Variants in SLC30A10 observed in about 807,000 individuals in gnomAD.
SLC30A10 encodes the protein calcium/manganese antiporter SLC30A10.
A neutral mutation model predicts 21.7 loss-of-function variants in SLC30A10; 8 were observed. The observed-to-expected ratio is 0.37, with a 90% CI of 0.22 to 0.67. SLC30A10 has a LOEUF of 0.67. SLC30A10 is among the 30% of genes least tolerant of loss of function. SLC30A10 has a pLI of 0.58. For missense variants in SLC30A10, 521 were observed against 642.5 expected, an observed-to-expected ratio of 0.81 and a Z score of 2.04; for synonymous variants, 272 against 279.4, an observed-to-expected ratio of 0.97 and a Z score of 0.26.
At chr1:219,927,669 C>CAAA (rs1659869536) in intron 1 of SLC30A10, 132 bp downstream of exon 1, 5 of 323,306 alleles carry the variant, frequency 1.5e-5, no homozygotes, top group Non-Finnish European at 2.2e-5. Context: ...AAAAAAAAAA[C>CAAA]AACAACAACA....
chr1:219,928,261 G>A lies in SLC30A10; in HGVS notation c.180C>T (p.Ile60=), dbSNP rs1323205319. Residue 60 remains isoleucine (I), a synonymous_variant, in exon 1 of 4, where the codon ATC becomes ATT. Coordinates refer to ENST00000366926, the MANE Select transcript of SLC30A10 (RefSeq NM_018713.3). The surrounding 1 kb of genome is among the most constrained non-coding windows in gnomAD (Gnocchi z 6.3). The part of the protein sequence containing the change: ...SLCVGLSAGY[I]ARRPTRGFSA... ...TGAAGCCCCGGGTGGGGCGCCGGGCGATGTAGCCGGCGCTCAGGCCCACGC... is the reference window on the plus strand; with the variant it reads ...TGAAGCCCCGGGTGGGGCGCCGGGCAATGTAGCCGGCGCTCAGGCCCACGC... The A allele has an allele frequency of 6.3e-7, 1 of 1,589,506 alleles. No homozygotes were observed.
intron 1 of SLC30A10, among the ~76,000 whole-genome samples, chr1:219,955,365 T>A (rs1350219287): frequency 6.6e-6 from 1 of 152,288 alleles, no homozygotes; most frequent in Admixed American, 6.5e-5. Context: ...CCTCACACCT[T>A]TTAGAGTCAG....
chr1:219,947,341 C>T (rs1485682682), intron 1 of SLC30A10, among the ~76,000 whole-genome samples: 1 of 152,030 alleles, frequency 6.6e-6, no homozygotes, highest in Non-Finnish European at 1.5e-5. Context: ...TCAGCTTGGG[C>T]AACATGGTAA....
intron 1 of SLC30A10, among the ~76,000 whole-genome samples, chr1:219,927,454 AGTCCTGCCT>A (rs936862392): frequency 1.3e-5 from 2 of 151,932 alleles, no homozygotes; most frequent in African/African-American, 2.4e-5. Context: ...GGGGTTGGAG[AGTCCTGCCT>A]GTTGCCCAAT....
chr1:219,923,178 G>A (rs923241317), intron 2 of SLC30A10, among the ~76,000 whole-genome samples: 4 of 152,180 alleles, frequency 2.6e-5, no homozygotes, highest in African/African-American at 9.7e-5. Flanking sequence ...AGACTCCGAT[G>A]TGATCACATC....
chr1:219,948,920 A>G (rs1452516054), intron 1 of SLC30A10, among the ~76,000 whole-genome samples: 1 of 152,122 alleles, frequency 6.6e-6, no homozygotes, highest in East Asian at 1.9e-4. Context: ...TTACAAGAAA[A>G]AAACAACCCC....
At chr1:219,957,417 G>A (rs758562919) in intron 1 of SLC30A10, among the ~76,000 whole-genome samples, 2 of 152,070 alleles carry the variant, frequency 1.3e-5, no homozygotes, top group Non-Finnish European at 2.9e-5. Flanking sequence ...TAATGGCCCA[G>A]CTACTGAGAG....
intron 1 of SLC30A10, among the ~76,000 whole-genome samples, chr1:219,944,403 G>A (rs1047225239): frequency 2.1e-4 from 32 of 149,884 alleles, no homozygotes; most frequent in African/African-American, 5.1e-4. Context: ...AGCCGAGATC[G>A]CGCCACTGCA....
intron 1 of SLC30A10, 152 bp downstream of exon 1, chr1:219,927,649 A>T: frequency 1.9e-6 from 1 of 522,840 alleles, no homozygotes; most frequent in African/African-American, 9.6e-5. Flanking sequence ...AAAAAAAAAA[A>T]AAAAAAAAAA....
upstream of SLC30A10, among the ~76,000 whole-genome samples, chr1:219,931,936 C>A (rs2102538362): frequency 6.6e-6 from 1 of 152,238 alleles, no homozygotes; most frequent in South Asian, 2.1e-4. Context: ...TAGGATAGAA[C>A]CTGAGATTTT....
At chr1:219,926,544 G>C (rs559961125) in intron 2 of SLC30A10, among the ~76,000 whole-genome samples, 1 of 152,244 alleles carries the variant, frequency 6.6e-6, no homozygotes, top group South Asian at 2.1e-4. Context: ...CACTCCCTTT[G>C]GTCCTGGGAG....
At chr1:219,926,349 C>A (rs1480037783) in intron 2 of SLC30A10, among the ~76,000 whole-genome samples, 2 of 152,212 alleles carry the variant, frequency 1.3e-5, no homozygotes, top group African/African-American at 4.8e-5. Context: ...TGGGGATTAA[C>A]CCCTTCTGGG....
At chr1:219,943,146 A>G (rs1045509728) in intron 1 of SLC30A10, among the ~76,000 whole-genome samples, 2 of 152,244 alleles carry the variant, frequency 1.3e-5, no homozygotes, top group African/African-American at 2.4e-5. Flanking sequence ...ACATGCAAAA[A>G]TTGCAGATGT....
At position 219,927,687 on chromosome 1, in the gene SLC30A10, A is replaced by AAC. The variant is rs369328290; in HGVS notation, c.640+113_640+114insGT. The AAC allele has an allele frequency of 0.022, 13,274 of 616,004 alleles. 625 individuals carry two copies. The highest frequency in any genetic ancestry group is 0.075 in the African/African-American group (2,763 of 36,992). The allele number at this position is 616,004 out of a possible 1,614,324, so 38.2% of individuals were successfully genotyped here. On this transcript the variant is annotated intron_variant, in intron 1 of 3. Coordinates refer to ENST00000366926, the MANE Select transcript of SLC30A10 (RefSeq NM_018713.3). ...AAAAAAACAACAACAACAAAAAAAA[A>AAC]AAAACAGAAAAAAAGCATGCAGAAG... is the stretch of plus-strand genomic sequence containing the variant.
At chr1:219,933,980 C>T (rs192629784) in intron 1 of SLC30A10, among the ~76,000 whole-genome samples, 2 of 152,128 alleles carry the variant, frequency 1.3e-5, no homozygotes, top group East Asian at 3.9e-4. Flanking sequence ...TGGTGAAATG[C>T]CATCTCTACT....
chr1:219,924,594 C>T (rs981973596), intron 2 of SLC30A10, among the ~76,000 whole-genome samples: 1 of 152,172 alleles, frequency 6.6e-6, no homozygotes, highest in African/African-American at 2.4e-5. Flanking sequence ...AGTACAGGTA[C>T]TCATCAAAAG....
At chr1:219,931,472 CA>C (rs1247052596), upstream of SLC30A10, among the ~76,000 whole-genome samples, 1 of 152,038 alleles carries the variant, frequency 6.6e-6, no homozygotes, top group East Asian at 1.9e-4. Flanking sequence ...GATAAAAATA[CA>C]GGCTGCATTT....
rs1558247401 is a variant in SLC30A10, at chr1:219,911,164, T to TTTTTTTTTTTTTTA, written c.*4284_*4285insTAAAAAAAAAAAAA. 6.9e-6 allele frequency among the ~76,000 whole-genome samples: 1 copy of TTTTTTTTTTTTTTA among 145,126 alleles called. No homozygotes were observed. Among genetic ancestry groups the TTTTTTTTTTTTTTA allele is most frequent in the African/African-American group, 2.5e-5 (1 of 40,088 alleles). Reference sequence around the variant, plus strand: ...TTCTACATCAGTTTTTTTTTTTTTTTTTTTTTTTTTGCAGTCTTTTACTAC... The same window carrying TTTTTTTTTTTTTTA: ...TTCTACATCAGTTTTTTTTTTTTTTTTTTTTTTTTTTTTATTTTTTTTTTGCAGTCTTTTACTAC... On this transcript the variant is annotated 3_prime_UTR_variant, in exon 4 of 4. Transcript: ENST00000366926.
intron 1 of SLC30A10, among the ~76,000 whole-genome samples, chr1:219,936,756 GGTA>G (rs543860238): frequency 1.9e-4 from 29 of 152,256 alleles, no homozygotes; most frequent in African/African-American, 7.0e-4. Context: ...GAGAGGCAGT[GGTA>G]GAGAATCTTT....
Sources: allele counts gnomAD v4.1 joint callset (sites outside exome capture counted in the v4.1 genomes callset), GRCh38; gene constraint gnomAD v4.1.1; non-coding constraint Gnocchi (gnomAD v3.1); transcripts MANE v1.5; gene names NCBI Gene and HGNC (gene_info 2026-07-23, HGNC 2026-07-21).